Variants in RPL3 observed in about 807,000 individuals in gnomAD.
RPL3 encodes the protein ribosomal protein L3.
In RPL3, 3 loss-of-function variants were observed where a neutral mutation model predicts 46.0. The ratio of observed to expected loss-of-function variants is 0.07; its 90% CI spans 0.03 to 0.17. The LOEUF (loss-of-function observed/expected upper bound fraction) is 0.17, where lower values mean the gene tolerates loss of function less well. Ranked by LOEUF, RPL3 falls within the 10% of genes least tolerant of loss-of-function variation. The pLI, the probability that RPL3 is intolerant of heterozygous loss-of-function variation, is 1.00. For missense variants in RPL3, 387 were observed against 532.7 expected (o/e 0.73, Z 2.69); for synonymous variants, 224 against 190.8 (o/e 1.17, Z -1.43).
At chr22:39,318,759 G>A (rs1183412379) in intron 1 of RPL3, 167 bp from the exon 2 acceptor site, 5 of 627,046 alleles carry the variant, frequency 8.0e-6, no homozygotes, top group African/African-American at 1.8e-5. Context: ...CACGTGTCAA[G>A]AATGCTTTTG....
At chr22:39,315,646 AGC>A in intron 4 of RPL3, 91 bp from the exon 5 acceptor site, 3 of 1,464,654 alleles carry the variant, frequency 2.0e-6, no homozygotes, top group Admixed American at 3.8e-5. Flanking sequence ...ATTGATGTCA[AGC>A]ACACGGCAAA....
chr22:39,319,268 T>G (rs1390013077), intron 1 of RPL3: 3 of 513,726 alleles, frequency 5.8e-6, no homozygotes, highest in Non-Finnish European at 1.1e-5. Flanking sequence ...ACAAGCAGGT[T>G]ATGGGCCCTA....
chr22:39,319,295 G>T, intron 1 of RPL3: 3 of 551,690 alleles, frequency 5.4e-6, no homozygotes, highest in Non-Finnish European at 9.9e-6. Flanking sequence ...ACTAATGATA[G>T]AATTGGTGAG....
intron 1 of RPL3, 93 bp from the exon 2 acceptor site, chr22:39,318,685 C>T: frequency 3.8e-6 from 4 of 1,039,148 alleles, no homozygotes; most frequent in Non-Finnish European, 5.5e-6. Context: ...CTCAGCAATA[C>T]TGAAGAATCC....
At position 39,312,976 on chromosome 22, in the gene RPL3, C is replaced by A; in HGVS notation, c.1176G>T (p.Leu392=). The change falls in exon 10 of 10, where the codon CTG becomes CTT. Residue 392 remains leucine, a synonymous_variant. Coordinates refer to ENST00000216146, the MANE Select transcript of RPL3 (RefSeq NM_000967.4). ...CTTCCTTTGCAATTCGGTCTTTCTT[C>A]AGTGGTCCCTGTGGGGAGAGAGGCA... ...MEEKKAFMGP[L]KKDRIAKEEG... is the part of the protein sequence containing the mutation. The A allele has an allele frequency of 6.2e-7, 1 of 1,614,166 alleles. No homozygotes were observed. Among genetic ancestry groups the A allele is most frequent in the Non-Finnish European group, 8.5e-7 (1 of 1,179,994 alleles).
At chr22:39,315,590 C>A (rs775252092) in intron 4 of RPL3, 35 bp from the exon 5 acceptor site, 1 of 1,610,892 alleles carries the variant, frequency 6.2e-7, no homozygotes, top group Non-Finnish European at 8.5e-7. Context: ...GCTCCAGCTG[C>A]CAGCGCTCCT....
At chr22:39,313,949 C>T (rs770221418) in intron 7 of RPL3, 158 bp downstream of exon 7, 2 of 836,696 alleles carry the variant, frequency 2.4e-6, no homozygotes, top group Non-Finnish European at 4.2e-6. Flanking sequence ...CCAACCCCGA[C>T]GAGTGGACTC....
intron 9 of RPL3, 88 bp downstream of exon 9, chr22:39,313,103 C>T: frequency 6.2e-7 from 1 of 1,600,274 alleles, no homozygotes; most frequent in Non-Finnish European, 8.5e-7. Flanking sequence ...CCTAAGGCAT[C>T]AAGACCACCC....
chr22:39,319,190 C>A, intron 1 of RPL3: 1 of 545,072 alleles, frequency 1.8e-6, no homozygotes, highest in Non-Finnish European at 3.6e-6. Flanking sequence ...ACACTCCCCT[C>A]CCCCAAGCTT....
At position 39,316,907 on chromosome 22, in the gene RPL3, G is replaced by A. The variant is rs562621883; in HGVS notation, c.366-66C>T. The A allele has an allele frequency of 4.9e-4, 786 of 1,611,778 alleles. 11 individuals are homozygous for A. In the South Asian group the frequency reaches 6.1e-3, roughly 13 times the overall value. Reference sequence around the variant, plus strand: ...GGCCTTCATCACCCCTCCGAGGGGTGAGCGGAAGGCACACTGGCACCGCGT... The same window carrying A: ...GGCCTTCATCACCCCTCCGAGGGGTAAGCGGAAGGCACACTGGCACCGCGT... On this transcript the variant is annotated intron_variant, in intron 3 of 9. Transcript: ENST00000216146.
rs758690938 is a variant in RPL3, at chr22:39,314,726, C to G, written c.809G>C (p.Gly270Ala). 1 of 1,613,602 alleles carries G rather than the reference C, an allele frequency of 6.2e-7. No individual in the cohort carries two copies. Among genetic ancestry groups the G allele is most frequent in the Admixed American group, 1.7e-5 (1 of 59,996 alleles). ...ARVAFSVARA[G>A]QKGYHHRTEI... ...AGTGCGGTGATGGTAGCCTTTCTGC[C>G]CAGCGCGTGCCACAGAGAAGGCTAC... Residue 270 changes from glycine to alanine, a missense_variant, in exon 6 of 10, where the codon GGG becomes GCG. By Grantham distance (60) the Gly-to-Ala change is moderately conservative. Transcript: ENST00000216146.
In RPL3 at chr22:39,315,518, A is replaced by G. The variant is rs140921052; in HGVS notation, c.539T>C (p.Leu180Pro). 89 of 1,614,148 alleles carry G rather than the reference A, an allele frequency of 5.5e-5. No homozygotes were observed. The Middle Eastern group carries it at 2.0e-3, about 36-fold the overall frequency. ...LLPLRQKKAH[L>P]MEIQVNGGTV... is the part of the protein sequence containing the mutation. The stretch of plus-strand genomic sequence containing the variant: ...GCCTCCGTTCACCTGGATCTCCATC[A>G]GGTGGGCCTTCTTCTGGCGCAGAGG... The change falls in exon 5 of 10, where the codon CTG (leucine) becomes CCG (proline). Residue 180 changes from leucine (L) to proline (P), a missense_variant. By Grantham distance (98) the Leu-to-Pro change is moderately conservative (BLOSUM62 -3). Around this residue, in one of 5 missense-constraint regions of RPL3, gnomAD observed 196 missense variants for 217.5 expected, o/e 0.90. Coordinates refer to ENST00000216146, the MANE Select transcript of RPL3 (RefSeq NM_000967.4).
At chr22:39,316,664 T>A (rs376571852) in intron 4 of RPL3, 42 bp downstream of exon 4, 2 of 1,611,308 alleles carry the variant, frequency 1.2e-6, no homozygotes, top group African/African-American at 2.7e-5. Flanking sequence ...AGGTCACTTC[T>A]ACTAAGTGGC....
chr22:39,317,373 T>C (rs1922766432), intron 3 of RPL3, 88 bp downstream of exon 3: 1 of 1,456,258 alleles, frequency 6.9e-7, no homozygotes, highest in Non-Finnish European at 9.4e-7. Context: ...CCCTGCCTGC[T>C]ACAGAGCTGA....
At chr22:39,314,362 TC>T in intron 6 of RPL3, 154 bp from the exon 7 acceptor site, 1 of 691,500 alleles carries the variant, frequency 1.4e-6, no homozygotes, top group Non-Finnish European at 2.5e-6. Context: ...TGGCTGGCCC[TC>T]CAGGTTCCTT....
In RPL3 at chr22:39,312,889, G is replaced by A. The variant is rs760194863; in HGVS notation, c.*51C>T. 3.9e-5 allele frequency: 62 copies of A among 1,608,198 alleles called. No individual in the cohort carries two copies. The highest frequency in any genetic ancestry group is 5.3e-5 in the Non-Finnish European group (62 of 1,174,960). On this transcript the variant is annotated 3_prime_UTR_variant, in exon 10 of 10. Transcript: ENST00000216146. ...CTGAAGAAAGAGGCAAGATGTCAGT[G>A]GAAAATAACTTTTATTGAGACCCCA... is the stretch of plus-strand genomic sequence containing the variant.
intron 8 of RPL3, 116 bp from the exon 9 acceptor site, chr22:39,313,426 T>C (rs1246950607): frequency 2.7e-6 from 4 of 1,502,458 alleles, no homozygotes; most frequent in Middle Eastern, 1.8e-4. Flanking sequence ...TCCCCCACCA[T>C]CCGGCAGATG....
chr22:39,318,638 C>G (rs1344745682), intron 1 of RPL3, 46 bp from the exon 2 acceptor site: 1 of 1,491,334 alleles, frequency 6.7e-7, no homozygotes, highest in South Asian at 1.2e-5. Context: ...CAAAGCAGTG[C>G]CCCCTTCTCT....
In RPL3 at chr22:39,318,486, G is replaced by T. The variant is rs147933419; in HGVS notation, c.110C>A (p.Pro37Gln). Residue 37 changes from proline to glutamine, a missense_variant, in exon 2 of 10, where the codon CCG (proline) becomes CAG (glutamine). By Grantham distance (76) the Pro-to-Gln change is moderately conservative. Around this residue, in one of 5 missense-constraint regions of RPL3, gnomAD observed 196 missense variants for 217.5 expected, o/e 0.90. Transcript: ENST00000216146. Reference sequence around the variant, plus strand: ...GGCTGTGAGGTGGACCGGCTTGGACGGGTCATCCTTAGGGAAGCTCTTCAC... The same window carrying T: ...GGCTGTGAGGTGGACCGGCTTGGACTGGTCATCCTTAGGGAAGCTCTTCAC... ...GKVKSFPKDD[P>Q]SKPVHLTAFL... is the part of the protein sequence containing the mutation. 4 of 1,613,912 alleles carry T rather than the reference G, an allele frequency of 2.5e-6. No homozygotes were observed. The African/African-American group carries it at 4.0e-5, about 16-fold the overall frequency.
Sources: gnomAD v4.1 joint callset for allele counts on GRCh38, gnomAD v4.1.1 for gene constraint, gnomAD v4.1.1 regional missense constraint, MANE v1.5 for transcripts, NCBI Gene and HGNC (gene_info 2026-07-23, HGNC 2026-07-21) for gene names.